Variants in VASH2 observed in about 807,000 individuals in gnomAD.
VASH2 encodes vasohibin 2, also known as tubulinyl-Tyr carboxypeptidase 2.
A neutral mutation model predicts 37.2 loss-of-function variants in VASH2; 28 were observed. That is an observed-to-expected ratio of 0.75 (90% confidence interval 0.56 to 1.03). VASH2 has a LOEUF of 1.03. VASH2 is among the 50% of genes least tolerant of loss of function. The pLI, the probability that VASH2 is intolerant of heterozygous loss-of-function variation, is 0.00. For synonymous variants in VASH2, 188 were observed against 174.7 expected, an observed-to-expected ratio of 1.08 and a Z score of -0.60; for missense variants, 419 against 459.1, an observed-to-expected ratio of 0.91 and a Z score of 0.80.
intron 7 of VASH2, among the ~76,000 whole-genome samples, chr1:212,977,264 C>T (rs1374449141): frequency 6.6e-6 from 1 of 152,290 alleles, no homozygotes; most frequent in East Asian, 1.9e-4. Context: ...CATGAACCAG[C>T]TTGCGGCTTT....
At chr1:212,980,450 T>C (rs967731850) in intron 7 of VASH2, among the ~76,000 whole-genome samples, 4 of 152,218 alleles carry the variant, frequency 2.6e-5, no homozygotes, top group African/African-American at 9.6e-5. Context: ...TCTTCCTCTT[T>C]GATTTCCCTT....
intron 6 of VASH2, chr1:212,973,556 A>T: frequency 7.8e-7 from 1 of 1,283,540 alleles, no homozygotes; most frequent in African/African-American, 1.5e-5. Context: ...CCATTCTGTC[A>T]TATGTGTGGG....
intron 7 of VASH2, 126 bp downstream of exon 7, chr1:212,974,196 A>C: frequency 1.6e-6 from 2 of 1,228,078 alleles, no homozygotes; most frequent in Non-Finnish European, 2.2e-6. Context: ...CTCCAAGAGG[A>C]CTGCCCCTCA....
chr1:212,973,786 A>G, intron 6 of VASH2, 169 bp from the exon 7 acceptor site: 2 of 1,400,200 alleles, frequency 1.4e-6, no homozygotes, highest in Non-Finnish European at 9.3e-7. Context: ...ACAGGACGAG[A>G]GAGGAATGTG....
intron 2 of VASH2, among the ~76,000 whole-genome samples, chr1:212,956,147 C>T (rs917186888): frequency 4.6e-5 from 7 of 152,198 alleles, no homozygotes; most frequent in East Asian, 1.9e-4. Context: ...CTCTGCCACA[C>T]GGCAGTTCAG....
chr1:212,962,158 GT>G (rs1335173763), intron 3 of VASH2, among the ~76,000 whole-genome samples: 1 of 152,222 alleles, frequency 6.6e-6, no homozygotes, highest in African/African-American at 2.4e-5. Flanking sequence ...AGACCAGCTG[GT>G]TTGGTCCCTT....
At chr1:212,977,509 A>G (rs1667213461) in intron 7 of VASH2, among the ~76,000 whole-genome samples, 2 of 146,036 alleles carry the variant, frequency 1.4e-5, no homozygotes, top group South Asian at 4.9e-4. Flanking sequence ...GTCACATGGT[A>G]TGGAAGGCTA....
Position 212,972,625 on chromosome 1 carries a change from C to T in VASH2, c.543C>T (p.Ser181=), listed in dbSNP as rs766776543. The change falls in exon 6 of 8, where the codon AGC becomes AGT. Residue 181 remains serine (S), a synonymous_variant. Coordinates refer to ENST00000517399, the MANE Select transcript of VASH2 (RefSeq NM_001301056.2). The part of the protein sequence containing the change: ...GQPSIERFPI[S]FKTYFSGNYF... ...CTTCCATTGAGCGGTTCCCCATCAG[C>T]TTTAAAACCTACTTCTCAGGAAACT... The T allele has an allele frequency of 6.2e-7, 1 of 1,614,182 alleles. No homozygotes were observed. Among genetic ancestry groups the T allele is most frequent in the East Asian group, 2.2e-5 (1 of 44,884 alleles).
At chr1:212,972,317 T>C (rs1392951823) in intron 5 of VASH2, among the ~76,000 whole-genome samples, 1 of 152,224 alleles carries the variant, frequency 6.6e-6, no homozygotes, top group Non-Finnish European at 1.5e-5. Context: ...TTGTTTTGTT[T>C]TGCATGTATG....
intron 3 of VASH2, among the ~76,000 whole-genome samples, chr1:212,964,558 AC>A (rs1666779443): frequency 6.6e-6 from 1 of 152,236 alleles, no homozygotes; most frequent in Non-Finnish European, 1.5e-5. Flanking sequence ...CTCCTTCAGA[AC>A]AACTTGGTGC....
At chr1:212,964,166 C>T (rs1304306499) in intron 3 of VASH2, among the ~76,000 whole-genome samples, 1 of 152,184 alleles carries the variant, frequency 6.6e-6, no homozygotes, top group Non-Finnish European at 1.5e-5. Flanking sequence ...TGGGGTTATG[C>T]TCCATGGCCT....
At chr1:212,965,072 C>A (rs1394370848) in intron 3 of VASH2, among the ~76,000 whole-genome samples, 1 of 152,192 alleles carries the variant, frequency 6.6e-6, no homozygotes, top group African/African-American at 2.4e-5. Context: ...AGGCCCATGC[C>A]ATTACACTTG....
At chr1:212,976,465 C>T (rs2102650198) in intron 7 of VASH2, among the ~76,000 whole-genome samples, 1 of 152,176 alleles carries the variant, frequency 6.6e-6, no homozygotes, top group South Asian at 2.1e-4. Flanking sequence ...TGCCTGTAGT[C>T]CCAGCTTCTT....
chr1:212,980,600 T>A (rs1244399964), intron 7 of VASH2, among the ~76,000 whole-genome samples: 2 of 152,212 alleles, frequency 1.3e-5, no homozygotes, highest in Admixed American at 1.3e-4. Context: ...GACAATGGAA[T>A]TCCTGCTGCA....
chr1:212,952,197 T>C (rs1666335342), intron 2 of VASH2, among the ~76,000 whole-genome samples: 1 of 152,204 alleles, frequency 6.6e-6, no homozygotes, highest in South Asian at 2.1e-4. Context: ...CCACCCTGCT[T>C]GTTCTCTTTG....
chr1:212,987,997 A>G (rs1667532113), intron 7 of VASH2, among the ~76,000 whole-genome samples: 2 of 152,328 alleles, frequency 1.3e-5, no homozygotes, highest in East Asian at 1.9e-4. Flanking sequence ...CCACACTGAC[A>G]TGCTTTTTCA....
rs138495697 is a variant in VASH2 at position 212,972,866 on chromosome 1, A to T, written c.784A>T (p.Ile262Phe). Reference sequence around the variant, plus strand: ...CCATGAGCCTCATAGCTTCCAGCCCATTGAGTGGAAGCAGCTGGTCCTCAA... The same window carrying T: ...CCATGAGCCTCATAGCTTCCAGCCCTTTGAGTGGAAGCAGCTGGTCCTCAA... ...VPHEPHSFQP[I>F]EWKQLVLNVS... Residue 262 changes from isoleucine (I) to phenylalanine (F), a missense_variant, in exon 6 of 8, where the codon ATT (isoleucine) becomes TTT (phenylalanine). By Grantham distance (21) the Ile-to-Phe change is conservative. This residue lies in a region of VASH2 where 177 missense variants were observed against 166.2 expected (regional missense o/e 1.06). Coordinates refer to ENST00000517399, the MANE Select transcript of VASH2 (RefSeq NM_001301056.2). 1.2e-6 allele frequency: 2 copies of T among 1,614,172 alleles called. No individual in the cohort carries two copies. The highest frequency in any genetic ancestry group is 1.7e-6 in the Non-Finnish European group (2 of 1,180,044).
At chr1:212,977,148 A>G (rs1667200898) in intron 7 of VASH2, among the ~76,000 whole-genome samples, 1 of 151,018 alleles carries the variant, frequency 6.6e-6, no homozygotes, top group East Asian at 1.9e-4. Context: ...AGCCTGCGAA[A>G]GGGAGTGAGA....
chr1:212,985,198 C>CTTTTTTTTTTTTTTT (rs55804989), intron 7 of VASH2, among the ~76,000 whole-genome samples: 2 of 100,832 alleles, frequency 2.0e-5, no homozygotes, highest in African/African-American at 9.0e-5. Context: ...ATTTTTTTTG[C>CTTTTTTTTTTTTTTT]TTTTTTTTTT....
Sources: allele counts gnomAD v4.1 joint callset (sites outside exome capture counted in the v4.1 genomes callset), GRCh38; gene constraint gnomAD v4.1.1; regional missense constraint gnomAD v4.1.1; transcripts MANE v1.5; gene names NCBI Gene and HGNC (gene_info 2026-07-23, HGNC 2026-07-21).